DKK2: variants seen among roughly 807,000 people sequenced by gnomAD.
The protein encoded by DKK2 is dickkopf Wnt signaling pathway inhibitor 2, also known as dickkopf-related protein 2.
In DKK2, 11 loss-of-function variants were observed where a neutral mutation model predicts 28.1. That is an observed-to-expected ratio of 0.39 (90% CI 0.25 to 0.65). The LOEUF is 0.65. Ranked by LOEUF, DKK2 falls within the 30% of genes least tolerant of loss-of-function variation. The pLI, the probability that DKK2 is intolerant of heterozygous loss-of-function variation, is 0.47. For missense variants in DKK2, 326 were observed against 335.5 expected, an observed-to-expected ratio of 0.97 and a Z score of 0.22; for synonymous variants, 135 against 126.5, an observed-to-expected ratio of 1.07 and a Z score of -0.45.
intron 1 of DKK2, among the ~76,000 whole-genome samples, chr4:107,035,070 TG>T (rs1257076591): frequency 6.6e-6 from 1 of 152,168 alleles, no homozygotes; most frequent in African/African-American, 2.4e-5. Context: ...CAGTGTTAAA[TG>T]GAAGGACCAT....
intron 1 of DKK2, among the ~76,000 whole-genome samples, chr4:106,938,220 A>G (rs1391271972): frequency 6.6e-6 from 1 of 150,464 alleles, no homozygotes; most frequent in African/African-American, 2.4e-5. Flanking sequence ...ATAGACCGCT[A>G]GCAAGACTAA....
chr4:106,924,666 G>A lies in DKK2; in HGVS notation c.408C>T (p.Thr136=). The change falls in exon 3 of 4, where the codon ACC becomes ACT. Residue 136 remains threonine, a synonymous_variant. Transcript: ENST00000285311. ...ICIPVTESIL[T]PHIPALDGTR... ...TACCATCCAGAGCCGGGATGTGAGG[G>A]GTTAAGATGCTTTCAGTAACTGGGA... is the stretch of plus-strand genomic sequence containing the variant. 6.2e-7 allele frequency: 1 copy of A among 1,613,542 alleles called. No homozygotes were observed. The highest frequency in any genetic ancestry group is 2.2e-5 in the East Asian group (1 of 44,838).
chr4:106,924,115 C>T lies in DKK2; in HGVS notation c.619G>A (p.Val207Met). 6.2e-7 allele frequency: 1 copy of T among 1,614,038 alleles called. No homozygotes were observed. The highest frequency in any genetic ancestry group is 8.5e-7 in the Non-Finnish European group (1 of 1,179,926). Residue 207 changes from valine (V) to methionine (M), a missense_variant, in exon 4 of 4, where the codon GTG becomes ATG. Physicochemically the swap from Val to Met is conservative, Grantham distance 21. Transcript: ENST00000285311. ...GTACAGACTTCCCCCTGATGGAGCA[C>T]TGGTTTGCAGATTTTGGTCCAGAAA... ...RHFWTKICKP[V>M]LHQGEVCTKQ... is the part of the protein sequence containing the mutation.
intron 1 of DKK2, among the ~76,000 whole-genome samples, chr4:106,934,027 C>A (rs1474122657): frequency 1.1e-4 from 16 of 147,374 alleles, no homozygotes; most frequent in Non-Finnish European, 1.5e-4. Context: ...TATACACACA[C>A]TATATATATA....
intron 1 of DKK2, among the ~76,000 whole-genome samples, chr4:106,965,002 T>C (rs551870918): frequency 9.5e-5 from 14 of 146,984 alleles, no homozygotes; most frequent in African/African-American, 3.7e-4. Flanking sequence ...GATAGATAGA[T>C]AGATTGATTG....
chr4:106,981,513 G>T (rs1308602568), intron 1 of DKK2, among the ~76,000 whole-genome samples: 1 of 152,080 alleles, frequency 6.6e-6, no homozygotes, highest in Non-Finnish European at 1.5e-5. Flanking sequence ...CCATATGCTT[G>T]TTCCCTTCAT....
At chr4:106,953,295 A>G (rs1722518753) in intron 1 of DKK2, among the ~76,000 whole-genome samples, 1 of 152,214 alleles carries the variant, frequency 6.6e-6, no homozygotes, top group African/African-American at 2.4e-5. Flanking sequence ...TCACTACTCC[A>G]GAGTGGGTAA....
chr4:106,999,798 G>A lies in DKK2; in HGVS notation c.222+35572C>T, dbSNP rs573760041. Among the ~76,000 whole-genome samples the A allele has an allele frequency of 1.4e-4, 22 of 151,894 alleles. No homozygotes were observed. The South Asian group carries it at 3.5e-3, about 24-fold the overall frequency. On this transcript the variant is annotated intron_variant, in intron 1 of 3. Coordinates refer to ENST00000285311, the MANE Select transcript of DKK2 (RefSeq NM_014421.3). ...ACATCAAATTTTTGTATTTTTTCTC[G>A]TATTAAATTTTGATATTCTATAGAC...
intron 1 of DKK2, among the ~76,000 whole-genome samples, chr4:106,932,446 C>T (rs920809864): frequency 1.1e-4 from 16 of 152,138 alleles, no homozygotes; most frequent in Admixed American, 3.3e-4. Flanking sequence ...GGAACATAGA[C>T]CACATTCTCA....
chr4:106,963,760 C>A (rs929918228), intron 1 of DKK2, among the ~76,000 whole-genome samples: 2 of 152,056 alleles, frequency 1.3e-5, no homozygotes, highest in Non-Finnish European at 2.9e-5. Context: ...TTCATAATAG[C>A]CAAGATAGGG....
intron 1 of DKK2, among the ~76,000 whole-genome samples, chr4:106,941,045 A>G (rs1017494952): frequency 5.9e-5 from 9 of 152,142 alleles, no homozygotes; most frequent in Non-Finnish European, 1.2e-4. Flanking sequence ...CCAGCATGGC[A>G]CATGTATACA....
In DKK2 at chr4:106,936,068, T is replaced by A. The variant is rs1184315885; in HGVS notation, c.223-10119A>T. ...CTAAATAGCAGAGCACCTCTCCTCC[T>A]CCAAAGGAACACAGTTCCTCACCAG... On this transcript the variant is annotated intron_variant, in intron 1 of 3. Coordinates refer to ENST00000285311, the MANE Select transcript of DKK2 (RefSeq NM_014421.3). Among the ~76,000 whole-genome samples the A allele has an allele frequency of 2.0e-5, 3 of 151,962 alleles. No homozygotes were observed. In the South Asian group the frequency reaches 6.2e-4, roughly 32 times the overall value.
chr4:107,016,897 G>T (rs1421337520), intron 1 of DKK2, among the ~76,000 whole-genome samples: 1 of 151,844 alleles, frequency 6.6e-6, no homozygotes, highest in East Asian at 1.9e-4. Flanking sequence ...TGTTAAGTAG[G>T]CACTTGAATA....
intron 1 of DKK2, among the ~76,000 whole-genome samples, chr4:106,971,085 G>GTGTGCAAA (rs1373506922): frequency 6.6e-6 from 1 of 152,220 alleles, no homozygotes; most frequent in East Asian, 1.9e-4. Context: ...TTTTGTCACA[G>GTGTGCAAA]TGTGCAAATG....
intron 1 of DKK2, among the ~76,000 whole-genome samples, chr4:106,941,424 T>C (rs944481458): frequency 6.6e-6 from 1 of 152,186 alleles, no homozygotes; most frequent in African/African-American, 2.4e-5. Flanking sequence ...TCAGTTCTTT[T>C]ACTATCTGTA....
At chr4:106,947,640 T>G (rs914178946) in intron 1 of DKK2, among the ~76,000 whole-genome samples, 5 of 151,814 alleles carry the variant, frequency 3.3e-5, no homozygotes, top group African/African-American at 1.2e-4. Context: ...GGGTAGGCTT[T>G]AAAAAAATTG....
intron 1 of DKK2, among the ~76,000 whole-genome samples, chr4:106,958,651 C>A (rs1308769707): frequency 6.6e-6 from 1 of 151,880 alleles, no homozygotes; most frequent in Non-Finnish European, 1.5e-5. Context: ...GTCTGGCCAA[C>A]ATGGTGAAAC....
intron 1 of DKK2, among the ~76,000 whole-genome samples, chr4:107,012,756 G>A (rs1165177008): frequency 1.3e-5 from 2 of 151,024 alleles, no homozygotes; most frequent in Non-Finnish European, 3.0e-5. Flanking sequence ...TGCAGCATAT[G>A]CTCTCTATAA....
rs114232473 is a variant in DKK2, at chr4:106,971,595, C to T, written c.223-45646G>A. Among the ~76,000 whole-genome samples, 381 of 152,196 alleles carry T rather than the reference C, an allele frequency of 2.5e-3. 3 individuals carry two copies. The highest frequency in any genetic ancestry group is 8.9e-3 in the African/African-American group (370 of 41,554). On this transcript the variant is annotated intron_variant, in intron 1 of 3. Coordinates refer to ENST00000285311, the MANE Select transcript of DKK2 (RefSeq NM_014421.3). The stretch of plus-strand genomic sequence containing the variant: ...GCCTTAACTAAACAAAGTCCCCCTA[C>T]ATCCAGAGTATGAATGATGCTGCTA...
Sources: allele counts gnomAD v4.1 joint callset (sites outside exome capture counted in the v4.1 genomes callset), GRCh38; gene constraint gnomAD v4.1.1; transcripts MANE v1.5; gene names NCBI Gene and HGNC (gene_info 2026-07-23, HGNC 2026-07-21).